Variants in PGAP4 observed in about 807,000 individuals in gnomAD.
The protein encoded by PGAP4 is post-GPI attachment to proteins GalNAc transferase 4, also known as GPI-N-acetylgalactosamine transferase PGAP4.
PGAP4 carries 12 observed loss-of-function variants against 28.2 expected under a neutral mutation model. That is an observed-to-expected ratio of 0.42 (90% CI 0.27 to 0.69). PGAP4 has a LOEUF of 0.69. Ranked by LOEUF, PGAP4 falls within the 30% of genes least tolerant of loss-of-function variation. The probability of loss-of-function intolerance (pLI) is 0.22; values close to 1 mark genes in which losing one functional copy is unlikely to be tolerated. For synonymous variants in PGAP4, 205 were observed against 211.8 expected (o/e 0.97, Z 0.28); for missense variants, 425 against 513.5 (o/e 0.83, Z 1.67).
chr9:101,521,754 G>A (rs1293582006), intron 2 of PGAP4, among the ~76,000 whole-genome samples: 1 of 151,812 alleles, frequency 6.6e-6, no homozygotes, highest in Admixed American at 6.6e-5. Flanking sequence ...CTTCTGCTGG[G>A]TTTGGGTTTG....
rs375980377 is a variant in PGAP4, at chr9:101,493,924, C to A, written c.-164-4724G>T. 2.4e-4 allele frequency among the ~76,000 whole-genome samples: 36 copies of A among 151,832 alleles called. 1 individual carries two copies. The highest frequency in any genetic ancestry group is 1.4e-3 in the Admixed American group (22 of 15,190). On this transcript the variant is annotated intron_variant, in intron 2 of 3. Transcript: ENST00000374851. Reference sequence around the variant, plus strand: ...TCTAGTTCGGTCTATAGGTATATAACAAGATCTTGAAAACAATGTACAGGG... The same window carrying A: ...TCTAGTTCGGTCTATAGGTATATAAAAAGATCTTGAAAACAATGTACAGGG...
intron 2 of PGAP4, among the ~76,000 whole-genome samples, chr9:101,506,002 C>T (rs530875208): frequency 6.6e-6 from 1 of 152,234 alleles, no homozygotes; most frequent in African/African-American, 2.4e-5. Flanking sequence ...ACCTTTGGAC[C>T]TACCACAGTG....
At chr9:101,507,601 G>T (rs974589068) in intron 2 of PGAP4, among the ~76,000 whole-genome samples, 2 of 152,086 alleles carry the variant, frequency 1.3e-5, no homozygotes, top group African/African-American at 4.8e-5. Context: ...GCCTTTGTAG[G>T]ATAATAAGGG....
Position 101,486,865 on chromosome 9 carries a change from A to T in PGAP4, c.-78+84T>A, listed in dbSNP as rs1328779496. Reference sequence around the variant, plus strand: ...GCTTGTGCCAGCTGTGGCCACCCCTAATCCTTGTCCCCTCGCTCTAGTGTC... The same window carrying T: ...GCTTGTGCCAGCTGTGGCCACCCCTTATCCTTGTCCCCTCGCTCTAGTGTC... On this transcript the variant is annotated intron_variant, in intron 1 of 1. Transcript: ENST00000374848. The surrounding 1 kb of genome is among the most constrained non-coding windows in gnomAD (Gnocchi z 4.7). The T allele has an allele frequency of 2.6e-5, 4 of 152,780 alleles. No homozygotes were observed. The highest frequency in any genetic ancestry group is 9.7e-5 in the African/African-American group (4 of 41,430). The allele number at this position is 152,780 out of a possible 1,614,324, so 9.5% of individuals were successfully genotyped here.
upstream of PGAP4, among the ~76,000 whole-genome samples, chr9:101,489,445 G>C (rs1479170925): frequency 6.6e-6 from 1 of 152,106 alleles, no homozygotes; most frequent in Non-Finnish European, 1.5e-5. Context: ...GCATACCCTA[G>C]GGCTTGATAC....
upstream of PGAP4, among the ~76,000 whole-genome samples, chr9:101,491,244 T>C (rs1180584382): frequency 6.6e-6 from 1 of 152,066 alleles, no homozygotes; most frequent in African/African-American, 2.4e-5. Flanking sequence ...GGAAAGAAAA[T>C]TGGTACCCAG....
intron 2 of PGAP4, among the ~76,000 whole-genome samples, chr9:101,506,738 A>G (rs1309029412): frequency 6.6e-6 from 1 of 152,084 alleles, no homozygotes; most frequent in African/African-American, 2.4e-5. Flanking sequence ...AGACCCCACT[A>G]AGCCTCTTCC....
intron 2 of PGAP4, among the ~76,000 whole-genome samples, chr9:101,519,227 C>CGCTCACTGCAACCTCCACCTCCT (rs1356883376): frequency 5.3e-5 from 8 of 151,936 alleles, no homozygotes; most frequent in Admixed American, 3.9e-4. Flanking sequence ...GTGCAATCTC[C>CGCTCACTGCAACCTCCACCTCCT]GCTCACTGCA....
At chr9:101,525,563 C>G (rs1827028323) in intron 2 of PGAP4, among the ~76,000 whole-genome samples, 1 of 151,592 alleles carries the variant, frequency 6.6e-6, no homozygotes, top group African/African-American at 2.4e-5. Context: ...AAAAATTAGC[C>G]AGGTGTGGTG....
chr9:101,486,371 C>T lies in PGAP4; in HGVS notation c.-78+578G>A, dbSNP rs1241387620. ...GTTTTTCCTGGTCCTGGGAGGGACG[C>T]CTTCCTCTGCCCAGTCGCCCTCCCC... On this transcript the variant is annotated intron_variant, in intron 1 of 1. Transcript: ENST00000374848. This position sits in a 1 kb window ranked among gnomAD's most constrained non-coding sequence, Gnocchi z 4.7. Among the ~76,000 whole-genome samples, 1 of 152,180 alleles carries T rather than the reference C, an allele frequency of 6.6e-6. No individual in the cohort carries two copies. Among genetic ancestry groups the T allele is most frequent in the East Asian group, 1.9e-4 (1 of 5,162 alleles).
chr9:101,476,805 G>T lies in PGAP4; in HGVS notation c.288C>A (p.Ala96=). The T allele has an allele frequency of 6.2e-7, 1 of 1,611,180 alleles. No individual in the cohort carries two copies. Among genetic ancestry groups the T allele is most frequent in the Non-Finnish European group, 8.5e-7 (1 of 1,178,344 alleles). The stretch of plus-strand genomic sequence containing the variant: ...TGATCACCAGCCAGGGCCGGGGGGT[G>T]GCCTGCCAGACAATGGGCACTGAGC... ...ANGSVPIVWQ[A]TPRPWLVITI... Residue 96 remains alanine, a synonymous_variant, in exon 2 of 2, where the codon GCC becomes GCA. Coordinates refer to ENST00000374848, the MANE Select transcript of PGAP4 (RefSeq NM_032342.3). This position sits in a 1 kb window ranked among gnomAD's most constrained non-coding sequence, Gnocchi z 7.0.
intron 2 of PGAP4, among the ~76,000 whole-genome samples, chr9:101,502,046 T>C (rs531876489): frequency 6.6e-6 from 1 of 152,254 alleles, no homozygotes; most frequent in Admixed American, 6.5e-5. Context: ...TCACCAAATG[T>C]CCAGCTTAGA....
chr9:101,503,347 CTA>C (rs1467625013), intron 2 of PGAP4, among the ~76,000 whole-genome samples: 8 of 151,958 alleles, frequency 5.3e-5, no homozygotes, highest in African/African-American at 1.7e-4. Context: ...AGAAGGTTAA[CTA>C]TTTTTTTTTC....
chr9:101,518,729 G>A (rs1030388337), intron 2 of PGAP4, among the ~76,000 whole-genome samples: 3 of 152,132 alleles, frequency 2.0e-5, no homozygotes, highest in Non-Finnish European at 4.4e-5. Context: ...ATGGGCATTT[G>A]GGTTGGTTCC....
chr9:101,498,427 G>C (rs982435297), intron 2 of PGAP4, among the ~76,000 whole-genome samples: 8 of 151,432 alleles, frequency 5.3e-5, no homozygotes, highest in Non-Finnish European at 1.0e-4. Context: ...TTTTTGGAAG[G>C]TGTCCATGTT....
At chr9:101,514,744 A>G (rs1328567631) in intron 2 of PGAP4, among the ~76,000 whole-genome samples, 1 of 152,100 alleles carries the variant, frequency 6.6e-6, no homozygotes, top group Non-Finnish European at 1.5e-5. Flanking sequence ...ATAAGGTGGC[A>G]CCTCTCTCAT....
chr9:101,499,507 T>A (rs1227476363), intron 2 of PGAP4, among the ~76,000 whole-genome samples: 1 of 151,926 alleles, frequency 6.6e-6, no homozygotes, highest in Admixed American at 6.6e-5. Context: ...AAGGCTAAGG[T>A]TTTTAAAGAA....
At chr9:101,507,744 A>G (rs951447476) in intron 2 of PGAP4, among the ~76,000 whole-genome samples, 2 of 152,138 alleles carry the variant, frequency 1.3e-5, no homozygotes, top group African/African-American at 4.8e-5. Flanking sequence ...AGCTTGGGCC[A>G]TGGATTATTA....
At chr9:101,508,136 T>A (rs1826864821) in intron 2 of PGAP4, among the ~76,000 whole-genome samples, 1 of 151,480 alleles carries the variant, frequency 6.6e-6, no homozygotes, top group South Asian at 2.1e-4. Flanking sequence ...GTTTTTTTTT[T>A]TTTTTTTTGG....
Sources: gnomAD v4.1 joint callset for allele counts (sites outside exome capture counted in the v4.1 genomes callset) on GRCh38, gnomAD v4.1.1 for gene constraint, Gnocchi (gnomAD v3.1) non-coding constraint, MANE v1.5 for transcripts, NCBI Gene and HGNC (gene_info 2026-07-23, HGNC 2026-07-21) for gene names.